The following ADAMTSL1 variants were observed in gnomAD, a reference collection of about 807,000 sequenced individuals.
ADAMTSL1 encodes ADAMTS like 1, also known as ADAMTS-like protein 1.
ADAMTSL1 carries 126 observed loss-of-function variants against 201.8 expected under a neutral mutation model. The ratio of observed to expected loss-of-function variants is 0.62; its 90% confidence interval spans 0.54 to 0.72. ADAMTSL1 has a LOEUF of 0.72. Ranked by LOEUF, ADAMTSL1 falls within the 30% of genes least tolerant of loss-of-function variation. The probability of loss-of-function intolerance (pLI) is 0.00; values close to 1 mark genes in which losing one functional copy is unlikely to be tolerated. For synonymous variants in ADAMTSL1, 1,121 were observed against 903.4 expected (o/e 1.24, Z -4.32); for missense variants, 2,679 against 2,277.8 (o/e 1.18, Z -3.59).
chr9:17,976,665 CCACTCTCTCTTTCT>C (rs1468868049), intron 1 of ADAMTSL1, among the ~76,000 whole-genome samples: 1 of 151,580 alleles, frequency 6.6e-6, no homozygotes, highest in Non-Finnish European at 1.5e-5. Flanking sequence ...CTCTCTCTCT[CCACTCTCTCTTTCT>C]CACTCTCTCT....
intron 2 of ADAMTSL1, among the ~76,000 whole-genome samples, chr9:18,249,605 G>A (rs114171270): frequency 1.3e-3 from 191 of 152,188 alleles, no homozygotes; most frequent in African/African-American, 4.4e-3. Flanking sequence ...TACTGTTATT[G>A]TTTCATGCTT....
intron 2 of ADAMTSL1, among the ~76,000 whole-genome samples, chr9:18,205,382 G>A (rs986495381): frequency 5.3e-5 from 8 of 152,110 alleles, no homozygotes; most frequent in African/African-American, 1.9e-4. Context: ...CCCAGAATTT[G>A]CATTTCCAAG....
chr9:18,906,818 T>C lies in ADAMTSL1; in HGVS notation c.5088T>C (p.His1696=), dbSNP rs1302916910. The part of the protein sequence containing the change: ...GFQSRRVECV[H]ARTNKAVPEH... ...AGTCCCGGCGTGTGGAGTGTGTGCA[T>C]GCCCGCACCAACAAGGCAGTGCCTG... Residue 1696 remains histidine, a synonymous_variant, in exon 28 of 29, where the codon CAT becomes CAC. Coordinates refer to ENST00000380548, the MANE Select transcript of ADAMTSL1 (RefSeq NM_001040272.6). 2 of 1,613,892 alleles carry C rather than the reference T, an allele frequency of 1.2e-6. No homozygotes were observed. Among genetic ancestry groups the C allele is most frequent in the Non-Finnish European group, 1.7e-6 (2 of 1,179,894 alleles).
chr9:18,199,583 C>T (rs1587292650), intron 2 of ADAMTSL1, among the ~76,000 whole-genome samples: 1 of 152,074 alleles, frequency 6.6e-6, no homozygotes, highest in African/African-American at 2.4e-5. Flanking sequence ...ATGAAGCTTT[C>T]AATAGCTCTT....
In ADAMTSL1 at chr9:18,905,789, G is replaced by A. The variant is rs778958555; in HGVS notation, c.4859G>A (p.Gly1620Glu). 44 of 1,612,620 alleles carry A rather than the reference G, an allele frequency of 2.7e-5. No individual in the cohort carries two copies. The highest frequency in any genetic ancestry group is 3.7e-5 in the Non-Finnish European group (44 of 1,179,348). The change falls in exon 27 of 29, where the codon GGG (glycine) becomes GAG (glutamate). Residue 1620 changes from glycine to glutamate, a missense_variant. Transcript: ENST00000380548. ...WAFSSWGQCN[G>E]PCIGPHLAVQ... ...CCTTTTTCTGCTTTCCAGTGCAATG[G>A]GCCTTGCATCGGGCCTCACCTAGCT...
At chr9:18,181,476 G>T (rs1431832635) in intron 2 of ADAMTSL1, among the ~76,000 whole-genome samples, 1 of 151,876 alleles carries the variant, frequency 6.6e-6, no homozygotes. Flanking sequence ...AGTGGGCGAA[G>T]GATATGAACA....
chr9:18,552,267 G>C (rs990063557), intron 3 of ADAMTSL1, among the ~76,000 whole-genome samples: 2 of 151,570 alleles, frequency 1.3e-5, no homozygotes, highest in Non-Finnish European at 3.0e-5. Context: ...CCCGCAGTGT[G>C]ATAAAAAAAA....
intron 2 of ADAMTSL1, among the ~76,000 whole-genome samples, chr9:18,288,723 C>G (rs890235906): frequency 2.0e-5 from 3 of 152,202 alleles, no homozygotes; most frequent in African/African-American, 4.8e-5. Context: ...CCAGCCAGCT[C>G]TAGAAAGGAT....
intron 2 of ADAMTSL1, among the ~76,000 whole-genome samples, chr9:18,448,359 C>T (rs994692445): frequency 2.0e-5 from 3 of 152,134 alleles, no homozygotes. Context: ...CTATTGTAAC[C>T]ACAAACTGAG....
chr9:18,426,234 A>G (rs1819215544), intron 2 of ADAMTSL1, among the ~76,000 whole-genome samples: 1 of 152,164 alleles, frequency 6.6e-6, no homozygotes, highest in Non-Finnish European at 1.5e-5. Context: ...TCCACCGGCC[A>G]GCTATTATAC....
intron 20 of ADAMTSL1, among the ~76,000 whole-genome samples, chr9:18,811,805 A>T (rs1403030169): frequency 2.0e-5 from 3 of 152,236 alleles, no homozygotes; most frequent in African/African-American, 7.2e-5. Context: ...CTGGAAACAA[A>T]GAAATACAAC....
chr9:18,197,003 C>G (rs1168675758), intron 2 of ADAMTSL1, among the ~76,000 whole-genome samples: 1 of 152,132 alleles, frequency 6.6e-6, no homozygotes, highest in African/African-American at 2.4e-5. Flanking sequence ...ATGTTCGTTT[C>G]CTTCAAAGTG....
intron 23 of ADAMTSL1, among the ~76,000 whole-genome samples, chr9:18,872,409 A>G (rs1442710327): frequency 6.6e-6 from 1 of 152,054 alleles, no homozygotes; most frequent in African/African-American, 2.4e-5. Flanking sequence ...CAGTGGCCTG[A>G]TTTCTGAGAT....
At chr9:18,148,640 A>G (rs903370336) in intron 1 of ADAMTSL1, among the ~76,000 whole-genome samples, 4 of 151,934 alleles carry the variant, frequency 2.6e-5, no homozygotes, top group African/African-American at 9.7e-5. Flanking sequence ...ACAGTTGATG[A>G]TTAGGTTCCA....
At chr9:18,736,745 C>G (rs1818519597) in intron 15 of ADAMTSL1, among the ~76,000 whole-genome samples, 1 of 152,152 alleles carries the variant, frequency 6.6e-6, no homozygotes, top group Non-Finnish European at 1.5e-5. Flanking sequence ...ATGTTGAAGT[C>G]TGATATATTT....
rs370940110 is a variant in ADAMTSL1, at chr9:18,681,697, T to TGTGTGGGGGGGG, written c.1342-114_1342-113insTGTGGGGGGGGG. 5.0e-5 allele frequency: 12 copies of TGTGTGGGGGGGG among 240,298 alleles called. 1 individual carries two copies. The highest frequency in any genetic ancestry group is 3.2e-4 in the African/African-American group (5 of 15,476). 14.9% of individuals were successfully genotyped at this position (240,298 alleles called of 1,614,324 possible). A position where few individuals can be genotyped will look rare whatever the true frequency, so the allele number is the denominator to read the frequency against. On this transcript the variant is annotated intron_variant, in intron 11 of 28. Transcript: ENST00000380548. The stretch of plus-strand genomic sequence containing the variant: ...TATAAATTTACCAGGAGTCCTCGTG[T>TGTGTGGGGGGGG]GGGGGGGGGGGGCGGGGAAAAAGAA...
At chr9:18,135,063 C>G (rs1355578044) in intron 1 of ADAMTSL1, among the ~76,000 whole-genome samples, 1 of 152,082 alleles carries the variant, frequency 6.6e-6, no homozygotes, top group East Asian at 1.9e-4. Context: ...GTTGATAATA[C>G]CTGGTTTTCA....
chr9:18,797,556 G>A (rs1330937281), intron 20 of ADAMTSL1, among the ~76,000 whole-genome samples: 2 of 152,164 alleles, frequency 1.3e-5, no homozygotes, highest in African/African-American at 4.8e-5. Flanking sequence ...TGTATGCATG[G>A]AGACCCTGCT....
intron 2 of ADAMTSL1, among the ~76,000 whole-genome samples, chr9:18,447,676 C>T (rs1025080052): frequency 6.6e-6 from 1 of 152,182 alleles, no homozygotes; most frequent in Non-Finnish European, 1.5e-5. Context: ...AAAGAGTCCT[C>T]AGGGAGCTCT....
Sources: allele counts gnomAD v4.1 joint callset (sites outside exome capture counted in the v4.1 genomes callset), GRCh38; gene constraint gnomAD v4.1.1; transcripts MANE v1.5; gene names NCBI Gene and HGNC (gene_info 2026-07-23, HGNC 2026-07-21).